The following CYP4X1 variants were observed in gnomAD, a reference collection of about 807,000 sequenced individuals.
The protein encoded by CYP4X1 is cytochrome P450 family 4 subfamily X member 1, also known as cytochrome P450 4X1.
A neutral mutation model predicts 57.9 loss-of-function variants in CYP4X1; 44 were observed. The observed-to-expected ratio is 0.76, with a 90% confidence interval of 0.60 to 0.98. The LOEUF is 0.98. CYP4X1 is among the 50% of genes least tolerant of loss of function. CYP4X1 has a pLI of 0.00. For missense variants in CYP4X1, 532 were observed against 623.9 expected, an observed-to-expected ratio of 0.85 and a Z score of 1.57; for synonymous variants, 227 against 228.6, an observed-to-expected ratio of 0.99 and a Z score of 0.06.
At chr1:47,049,943 A>G (rs1644344309) in intron 11 of CYP4X1, 57 bp from the exon 12 acceptor site, 2 of 1,528,840 alleles carry the variant, frequency 1.3e-6, no homozygotes, top group African/African-American at 1.4e-5. Flanking sequence ...GTATTTTACT[A>G]TAGTCAGAAG....
chr1:47,006,679 T>G, the CYP4X1 span, among the ~76,000 whole-genome samples: 1 of 152,106 alleles, frequency 6.6e-6, no homozygotes, highest in Non-Finnish European at 1.5e-5. Context: ...TTCCCTTTCA[T>G]AGTCAAAGAA....
chr1:46,986,263 GAT>G, the CYP4X1 span, among the ~76,000 whole-genome samples: 5 of 152,102 alleles, frequency 3.3e-5, no homozygotes, highest in Non-Finnish European at 7.4e-5. Flanking sequence ...TGAAAGAAAA[GAT>G]ATCAGAGACT....
intron 6 of CYP4X1, 137 bp from the exon 7 acceptor site, chr1:47,038,523 A>C (rs1400211673): frequency 4.1e-6 from 2 of 490,420 alleles, no homozygotes; most frequent in Non-Finnish European, 7.0e-6. Context: ...GAGAAAATAA[A>C]CCATCTGTGA....
intron 8 of CYP4X1, among the ~76,000 whole-genome samples, chr1:47,040,841 A>G (rs896663077): frequency 1.3e-5 from 2 of 152,142 alleles, no homozygotes; most frequent in African/African-American, 4.8e-5. Context: ...ATTTTCAAGT[A>G]TACAAATTGT....
chr1:47,049,990 T>C lies in CYP4X1; in HGVS notation c.1356-10T>C, dbSNP rs111866454. 6.2e-7 allele frequency: 1 copy of C among 1,610,816 alleles called. No individual in the cohort carries two copies. The highest frequency in any genetic ancestry group is 1.1e-5 in the South Asian group (1 of 90,086). ...TTTCAAGTATCACTTTCTTTCCCTCTTGTCTTCAGGAACTGCATTGGGCAG... is the reference window on the plus strand; with the variant it reads ...TTTCAAGTATCACTTTCTTTCCCTCCTGTCTTCAGGAACTGCATTGGGCAG... On this transcript the variant is annotated splice_polypyrimidine_tract_variant and intron_variant, in intron 11 of 11. Coordinates refer to ENST00000371901, the MANE Select transcript of CYP4X1 (RefSeq NM_178033.2).
chr1:47,008,531 A>T, the CYP4X1 span, among the ~76,000 whole-genome samples: 1 of 152,164 alleles, frequency 6.6e-6, no homozygotes, highest in Admixed American at 6.5e-5. Flanking sequence ...AGCAAAATAA[A>T]CAGCTAACAT....
chr1:47,039,883 T>C (rs1409468634), intron 8 of CYP4X1, among the ~76,000 whole-genome samples: 2 of 152,164 alleles, frequency 1.3e-5, no homozygotes, highest in African/African-American at 4.8e-5. Context: ...GTGGAGCTCC[T>C]CTTCTGAGAG....
chr1:46,993,680 C>T, the CYP4X1 span, among the ~76,000 whole-genome samples: 2 of 152,154 alleles, frequency 1.3e-5, no homozygotes, highest in Non-Finnish European at 2.9e-5. Context: ...TCTCTGATGG[C>T]CAGTGATGAG....
the CYP4X1 span, among the ~76,000 whole-genome samples, chr1:46,968,390 G>A: frequency 3.9e-5 from 6 of 152,116 alleles, no homozygotes; most frequent in African/African-American, 7.2e-5. Flanking sequence ...ATCACAGCTG[G>A]GCAGCATCCT....
At chr1:47,022,976 TGTTATCTGTACTC>T (rs1644014880), upstream of CYP4X1, among the ~76,000 whole-genome samples, 1 of 152,224 alleles carries the variant, frequency 6.6e-6, no homozygotes, top group South Asian at 2.1e-4. Flanking sequence ...TACATTTTCC[TGTTATCTGTACTC>T]GAGTTTATTT....
At chr1:46,977,920 A>G in the CYP4X1 span, among the ~76,000 whole-genome samples, 1 of 152,140 alleles carries the variant, frequency 6.6e-6, no homozygotes, top group Non-Finnish European at 1.5e-5. Flanking sequence ...CAGACAAGCA[A>G]ATGCTGAGAG....
chr1:47,032,250 A>T (rs1473926720), intron 3 of CYP4X1, among the ~76,000 whole-genome samples: 1 of 152,152 alleles, frequency 6.6e-6, no homozygotes, highest in Non-Finnish European at 1.5e-5. Flanking sequence ...CATAATTGGT[A>T]TTTATGTTAA....
intron 3 of CYP4X1, among the ~76,000 whole-genome samples, chr1:47,032,603 C>T (rs1644136331): frequency 6.6e-6 from 1 of 152,120 alleles, no homozygotes; most frequent in Non-Finnish European, 1.5e-5. Context: ...ATCCTAATGA[C>T]CAGTCTGGCA....
At chr1:47,007,864 G>T in the CYP4X1 span, among the ~76,000 whole-genome samples, 4 of 152,144 alleles carry the variant, frequency 2.6e-5, no homozygotes, top group Admixed American at 2.6e-4. Context: ...GAAGTGAGAA[G>T]TTTAGAGAAA....
intron 8 of CYP4X1, chr1:47,039,788 T>C: frequency 3.8e-6 from 1 of 260,394 alleles, no homozygotes; most frequent in Non-Finnish European, 7.2e-6. Flanking sequence ...ATGTCTTATT[T>C]CTTTATTTCA....
chr1:46,977,139 G>A, the CYP4X1 span, among the ~76,000 whole-genome samples: 6,616 of 152,216 alleles, frequency 0.043, 533 homozygotes, highest in African/African-American at 0.15. Context: ...TGAGTTGGCA[G>A]AAGTAGGTTT....
chr1:47,008,763 T>C, the CYP4X1 span, among the ~76,000 whole-genome samples: 1 of 151,536 alleles, frequency 6.6e-6, no homozygotes, highest in Non-Finnish European at 1.5e-5. Flanking sequence ...AAGGCAGGGG[T>C]TGCAATCCTA....
At chr1:46,988,784 C>T in the CYP4X1 span, among the ~76,000 whole-genome samples, 9 of 152,104 alleles carry the variant, frequency 5.9e-5, no homozygotes, top group East Asian at 1.9e-4. Flanking sequence ...TGACAGAAAC[C>T]GCATGATTAT....
At chr1:46,967,825 G>A in the CYP4X1 span, 9 of 1,313,736 alleles carry the variant, frequency 6.9e-6, no homozygotes, top group East Asian at 2.5e-4. Flanking sequence ...CAGGGCCATG[G>A]CCACCTTTAG....
Sources: gnomAD v4.1 joint callset for allele counts (sites outside exome capture counted in the v4.1 genomes callset) on GRCh38, gnomAD v4.1.1 for gene constraint, MANE v1.5 for transcripts, NCBI Gene and HGNC (gene_info 2026-07-23, HGNC 2026-07-21) for gene names.